NLGN1: variants seen among roughly 807,000 people sequenced by gnomAD.
NLGN1 encodes neuroligin-1.
Under a neutral mutation model 65.5 loss-of-function variants are expected in NLGN1, and 12 were observed. The ratio of observed to expected loss-of-function variants is 0.18; its 90% CI spans 0.12 to 0.30. NLGN1 has a LOEUF of 0.30. Among genes scored for constraint, NLGN1 ranks in the 10% least tolerant of loss-of-function variants. The pLI is 1.00. For synonymous variants in NLGN1, 350 were observed against 359.5 expected (o/e 0.97, Z 0.30); for missense variants, 750 against 1,007.1 (o/e 0.74, Z 3.46).
intron 4 of NLGN1, among the ~76,000 whole-genome samples, chr3:174,192,098 G>A (rs140970784): frequency 4.6e-5 from 7 of 151,932 alleles, no homozygotes; most frequent in African/African-American, 7.2e-5. Context: ...ATCATATTCC[G>A]TTGTATATTT....
intron 4 of NLGN1, among the ~76,000 whole-genome samples, chr3:173,826,005 A>G (rs1721263201): frequency 6.6e-6 from 1 of 152,082 alleles, no homozygotes; most frequent in Admixed American, 6.6e-5. Flanking sequence ...GAGACATACT[A>G]ACACAAAAAA....
At chr3:174,032,814 A>G (rs758513635) in intron 4 of NLGN1, among the ~76,000 whole-genome samples, 1 of 152,144 alleles carries the variant, frequency 6.6e-6, no homozygotes, top group Non-Finnish European at 1.5e-5. Flanking sequence ...GGCTTATCCC[A>G]GTGGAGGAAG....
chr3:173,895,759 C>T (rs192087848), intron 4 of NLGN1, among the ~76,000 whole-genome samples: 41 of 151,932 alleles, frequency 2.7e-4, no homozygotes, highest in Admixed American at 2.2e-3. Flanking sequence ...GGCATGATCT[C>T]GGCTCACTAC....
chr3:173,653,362 C>T (rs1759511125), intron 3 of NLGN1, among the ~76,000 whole-genome samples: 1 of 152,230 alleles, frequency 6.6e-6, no homozygotes, highest in African/African-American at 2.4e-5. Context: ...TTAAGTATGA[C>T]ATTGGCTGTG....
At chr3:173,474,947 G>A (rs1725942116) in intron 2 of NLGN1, among the ~76,000 whole-genome samples, 1 of 151,802 alleles carries the variant, frequency 6.6e-6, no homozygotes, top group Non-Finnish European at 1.5e-5. Context: ...AACAGAGTGA[G>A]ACTCTGTCTC....
chr3:174,051,536 C>T (rs1275607643), intron 4 of NLGN1, among the ~76,000 whole-genome samples: 1 of 151,926 alleles, frequency 6.6e-6, no homozygotes, highest in Non-Finnish European at 1.5e-5. Flanking sequence ...TTGCTCATAG[C>T]CTTATGTATG....
At chr3:174,135,991 C>G (rs1014826212) in intron 4 of NLGN1, among the ~76,000 whole-genome samples, 6 of 152,192 alleles carry the variant, frequency 3.9e-5, no homozygotes, top group Non-Finnish European at 7.4e-5. Flanking sequence ...AATTCTACCT[C>G]TCGCTTCTTC....
At chr3:173,562,631 A>G (rs1289459387) in intron 2 of NLGN1, among the ~76,000 whole-genome samples, 2 of 152,054 alleles carry the variant, frequency 1.3e-5, no homozygotes, top group South Asian at 4.1e-4. Flanking sequence ...GTACGTTTAT[A>G]TGTCACCTTG....
chr3:173,704,245 A>G (rs866419797), intron 3 of NLGN1, among the ~76,000 whole-genome samples: 1 of 152,316 alleles, frequency 6.6e-6, no homozygotes, highest in Middle Eastern at 3.4e-3. Flanking sequence ...TGTCCCCAAA[A>G]TAATTATGTT....
chr3:173,775,243 GTTA>G (rs975629501), intron 3 of NLGN1, among the ~76,000 whole-genome samples: 5 of 152,022 alleles, frequency 3.3e-5, no homozygotes, highest in South Asian at 2.1e-4. Flanking sequence ...AATGCAATCC[GTTA>G]TTATATATTC....
At chr3:173,605,498 G>A (rs188703389) in intron 3 of NLGN1, 36 bp from the exon 3 acceptor site, 22 of 1,151,058 alleles carry the variant, frequency 1.9e-5, no homozygotes, top group Admixed American at 2.3e-5. Context: ...ATGATGGAGC[G>A]CCATGTTATT....
chr3:173,515,184 ATAGCCATCC>A (rs1369002228), intron 2 of NLGN1, among the ~76,000 whole-genome samples: 3 of 152,104 alleles, frequency 2.0e-5, no homozygotes, highest in Non-Finnish European at 1.5e-5. Context: ...GTTTTTGATA[ATAGCCATCC>A]TAACAGGTGC....
At chr3:174,068,800 G>A (rs1739214866) in intron 4 of NLGN1, among the ~76,000 whole-genome samples, 1 of 152,082 alleles carries the variant, frequency 6.6e-6, no homozygotes, top group Non-Finnish European at 1.5e-5. Context: ...ATTTATCTAA[G>A]ATAATAGGTG....
At chr3:173,432,186 C>T (rs1157137074) in intron 1 of NLGN1, among the ~76,000 whole-genome samples, 1 of 152,202 alleles carries the variant, frequency 6.6e-6, no homozygotes, top group African/African-American at 2.4e-5. Context: ...CTGCTATAAA[C>T]ACCTGTATGC....
At chr3:174,044,217 T>A (rs66925717) in intron 4 of NLGN1, among the ~76,000 whole-genome samples, 24,362 of 152,154 alleles carry the variant, frequency 0.16, 2,004 homozygotes, top group East Asian at 0.18. Context: ...CTTGTGATGC[T>A]AAGGGCTGCT....
intron 3 of NLGN1, among the ~76,000 whole-genome samples, chr3:173,780,646 G>T (rs572490467): frequency 3.2e-4 from 49 of 152,144 alleles, no homozygotes; most frequent in African/African-American, 1.2e-3. Flanking sequence ...TATAACTAGA[G>T]AAATTAAATA....
At chr3:173,847,570 G>A (rs1252060010) in intron 4 of NLGN1, among the ~76,000 whole-genome samples, 1 of 152,064 alleles carries the variant, frequency 6.6e-6, no homozygotes, top group Non-Finnish European at 1.5e-5. Context: ...TTAAAAATTT[G>A]TTTTCATTAT....
At chr3:173,737,744 GTTT>G (rs917304764) in intron 3 of NLGN1, among the ~76,000 whole-genome samples, 1 of 151,998 alleles carries the variant, frequency 6.6e-6, no homozygotes. Flanking sequence ...GCATGGACAT[GTTT>G]TTATTTCTCT....
intron 3 of NLGN1, among the ~76,000 whole-genome samples, chr3:173,719,630 C>A (rs1265793995): frequency 6.6e-6 from 1 of 151,920 alleles, no homozygotes; most frequent in African/African-American, 2.4e-5. Flanking sequence ...TGTCAGTGTC[C>A]CACAAAAAAC....
Sources: allele counts gnomAD v4.1 joint callset (sites outside exome capture counted in the v4.1 genomes callset), GRCh38; gene constraint gnomAD v4.1.1; transcripts MANE v1.5; gene names NCBI Gene and HGNC (gene_info 2026-07-23, HGNC 2026-07-21).